ERVH48-1: variants seen among roughly 807,000 people sequenced by gnomAD.
The protein encoded by ERVH48-1 is suppressyn.
Under a neutral mutation model 2.4 loss-of-function variants are expected in ERVH48-1, and 4 were observed. That is an observed-to-expected ratio of 1.68 (90% CI 0.83 to 3.84). The LOEUF is 3.84. Ranked by LOEUF, ERVH48-1 falls within the 30% of genes most tolerant of loss-of-function variation. The probability of loss-of-function intolerance (pLI) is 0.01; values close to 1 mark genes in which losing one functional copy is unlikely to be tolerated. For missense variants in ERVH48-1, 97 were observed against 43.4 expected (o/e 2.23, Z -3.47); for synonymous variants, 32 against 15.5 (o/e 2.06, Z -2.49).
At position 42,917,077 on chromosome 21, in the gene ERVH48-1, A is replaced by G. The variant is rs553897598; in HGVS notation, c.*1447T>C. On this transcript the variant is annotated 3_prime_UTR_variant, in exon 2 of 2. Transcript: ENST00000447535. Reference sequence around the variant, plus strand: ...TGGGCCTGAGGAGGAGGAGTTATTCATCCCGCAAGCTTTCAGGCCCCGAGG... The same window carrying G: ...TGGGCCTGAGGAGGAGGAGTTATTCGTCCCGCAAGCTTTCAGGCCCCGAGG... 1 of 152,108 alleles carries G rather than the reference A, an allele frequency of 6.6e-6. No individual in the cohort carries two copies. The highest frequency in any genetic ancestry group is 6.5e-5 in the Admixed American group (1 of 15,276). 9.4% of individuals were successfully genotyped at this position (152,108 alleles called of 1,614,324 possible).
At position 42,918,990 on chromosome 21, in the gene ERVH48-1, G is replaced by T. The variant is rs1345576651; in HGVS notation, c.17C>A (p.Pro6Gln). 2 of 1,075,944 alleles carry T rather than the reference G, an allele frequency of 1.9e-6. No individual in the cohort carries two copies. Among genetic ancestry groups the T allele is most frequent in the Non-Finnish European group, 2.5e-6 (2 of 795,150 alleles). 66.6% of individuals were successfully genotyped at this position (1,075,944 alleles called of 1,614,324 possible). MACIY[P>Q]TTFYTSLPTK... ...TGGAAGAGAGGTATAGAAAGTGGTT[G>T]GGTAGATACAGGCCATTCCTGGAAG... The change falls in exon 2 of 2, where the codon CCA becomes CAA. Residue 6 changes from proline to glutamine, a missense_variant. Transcript: ENST00000447535.
Position 42,919,213 on chromosome 21 carries a change from A to C in ERVH48-1, c.-207T>G. 2.2e-6 allele frequency: 1 copy of C among 445,306 alleles called. No homozygotes were observed. 27.6% of individuals were successfully genotyped at this position (445,306 alleles called of 1,614,324 possible). A position where few individuals can be genotyped will look rare whatever the true frequency, so the allele number is the denominator to read the frequency against. On this transcript the variant is annotated 5_prime_UTR_variant, in exon 2 of 2. Transcript: ENST00000447535. ...GACTCTCACTGCAGTTGGTGTGCTG[A>C]GTATCACAGTGTAGGGGCCTGTCCA...
At chr21:42,920,364 A>G (rs1270227389) in intron 1 of ERVH48-1, among the ~76,000 whole-genome samples, 1 of 152,130 alleles carries the variant, frequency 6.6e-6, no homozygotes, top group African/African-American at 2.4e-5. Flanking sequence ...TTTCTGGCCA[A>G]TATAGGATTG....
At position 42,918,249 on chromosome 21, in the gene ERVH48-1, G is replaced by A. The variant is rs879563581; in HGVS notation, c.*275C>T. 5.0e-5 allele frequency: 15 copies of A among 298,454 alleles called. No individual in the cohort carries two copies. The highest frequency in any genetic ancestry group is 1.1e-3 in the Middle Eastern group (1 of 870). The allele number at this position is 298,454 out of a possible 1,614,324, so 18.5% of individuals were successfully genotyped here. A position where few individuals can be genotyped will look rare whatever the true frequency, so the allele number is the denominator to read the frequency against. On this transcript the variant is annotated 3_prime_UTR_variant, in exon 2 of 2. Coordinates refer to ENST00000447535, the MANE Select transcript of ERVH48-1 (RefSeq NM_001308491.2). ...GGTGACGGGTTTTCACCTACGGCGC[G>A]ATGGGTTTTATCAGTCCACTTGCGG...
chr21:42,919,103 A>T lies in ERVH48-1; in HGVS notation c.-97T>A, dbSNP rs561660346. 1 of 1,196,486 alleles carries T rather than the reference A, an allele frequency of 8.4e-7. No homozygotes were observed. Among genetic ancestry groups the T allele is most frequent in the East Asian group, 5.8e-5 (1 of 17,204 alleles). 74.1% of individuals were successfully genotyped at this position (1,196,486 alleles called of 1,614,324 possible). A position where few individuals can be genotyped will look rare whatever the true frequency, so the allele number is the denominator to read the frequency against. Reference sequence around the variant, plus strand: ...GTAGGAGAAATTGGCCCAGACAAACACTTAGCTGTTAATGTTTTGGAGGAA... The same window carrying T: ...GTAGGAGAAATTGGCCCAGACAAACTCTTAGCTGTTAATGTTTTGGAGGAA... On this transcript the variant is annotated 5_prime_UTR_variant, in exon 2 of 2. Transcript: ENST00000447535.
At chr21:42,925,166 G>A (rs1010037106) in intron 1 of ERVH48-1, among the ~76,000 whole-genome samples, 180 bp downstream of exon 1, 3 of 152,090 alleles carry the variant, frequency 2.0e-5, no homozygotes, top group Non-Finnish European at 4.4e-5. Context: ...GGCTGGTCTC[G>A]AACTCCTGAT....
In ERVH48-1 at chr21:42,919,205, G is replaced by C; in HGVS notation, c.-199C>G. 1 of 477,514 alleles carries C rather than the reference G, an allele frequency of 2.1e-6. No homozygotes were observed. The highest frequency in any genetic ancestry group is 3.4e-6 in the Non-Finnish European group (1 of 295,394). The allele number at this position is 477,514 out of a possible 1,614,324, so 29.6% of individuals were successfully genotyped here. On this transcript the variant is annotated 5_prime_UTR_variant, in exon 2 of 2. Transcript: ENST00000447535. ...AGTCCTCGGACTCTCACTGCAGTTGGTGTGCTGAGTATCACAGTGTAGGGG... is the reference window on the plus strand; with the variant it reads ...AGTCCTCGGACTCTCACTGCAGTTGCTGTGCTGAGTATCACAGTGTAGGGG...
intron 1 of ERVH48-1, among the ~76,000 whole-genome samples, chr21:42,923,499 A>T (rs2058812889): frequency 6.6e-6 from 1 of 152,118 alleles, no homozygotes; most frequent in South Asian, 2.1e-4. Context: ...GGCTGGGTCT[A>T]GGTTGGTATA....
At position 42,925,472 on chromosome 21, in the gene ERVH48-1, G is replaced by T. The variant is rs2058818115; in HGVS notation, c.-412C>A. The T allele has an allele frequency of 2.5e-6, 1 of 395,970 alleles. No homozygotes were observed. Among genetic ancestry groups the T allele is most frequent in the South Asian group, 2.4e-5 (1 of 41,486 alleles). 24.5% of individuals were successfully genotyped at this position (395,970 alleles called of 1,614,324 possible). A position where few individuals can be genotyped will look rare whatever the true frequency, so the allele number is the denominator to read the frequency against. The stretch of plus-strand genomic sequence containing the variant: ...GGGTGGTAGGTCCACTGGGGACGTG[G>T]ACGGAAGCCCCTCGCAGGTTTCAGG... On this transcript the variant is annotated 5_prime_UTR_variant, in exon 1 of 2. Coordinates refer to ENST00000447535, the MANE Select transcript of ERVH48-1 (RefSeq NM_001308491.2).
At position 42,918,233 on chromosome 21, in the gene ERVH48-1, T is replaced by C. The variant is rs1178849502; in HGVS notation, c.*291A>G. On this transcript the variant is annotated 3_prime_UTR_variant, in exon 2 of 2. Transcript: ENST00000447535. Reference sequence around the variant, plus strand: ...TTGACTGTTAGGGTTTGGTGACGGGTTTTCACCTACGGCGCGATGGGTTTT... The same window carrying C: ...TTGACTGTTAGGGTTTGGTGACGGGCTTTCACCTACGGCGCGATGGGTTTT... The C allele has an allele frequency of 2.1e-5, 6 of 290,546 alleles. No homozygotes were observed. Among genetic ancestry groups the C allele is most frequent in the Non-Finnish European group, 4.0e-5 (6 of 149,446 alleles). The allele number at this position is 290,546 out of a possible 1,614,324, so 18.0% of individuals were successfully genotyped here.
At chr21:42,923,910 A>C (rs1423191147) in intron 1 of ERVH48-1, among the ~76,000 whole-genome samples, 1 of 152,188 alleles carries the variant, frequency 6.6e-6, no homozygotes, top group Admixed American at 6.5e-5. Context: ...GGTATTCTGG[A>C]AATAAACCGA....
rs540537545 is a variant in ERVH48-1 at position 42,921,404 on chromosome 21, C to T, written c.-285-2113G>A. 2.3e-4 allele frequency among the ~76,000 whole-genome samples: 35 copies of T among 152,094 alleles called. No homozygotes were observed. In the South Asian group the frequency reaches 6.7e-3, roughly 29 times the overall value. On this transcript the variant is annotated intron_variant, in intron 1 of 1. Coordinates refer to ENST00000447535, the MANE Select transcript of ERVH48-1 (RefSeq NM_001308491.2). The stretch of plus-strand genomic sequence containing the variant: ...GCTAGTCCTAGAAAAGAGAGAATTT[C>T]TTGCTTAGTTTGCGGAGGCGGGAGG...
At position 42,918,897 on chromosome 21, in the gene ERVH48-1, G is replaced by A. The variant is rs578190028; in HGVS notation, c.110C>T (p.Ser37Phe). The change falls in exon 2 of 2, where the codon TCC becomes TTC. Residue 37 changes from serine (S) to phenylalanine (F), a missense_variant. Ser to Phe is a radical substitution (Grantham distance 155). Coordinates refer to ENST00000447535, the MANE Select transcript of ERVH48-1 (RefSeq NM_001308491.2). ...ACGGCAGCTCGGAGGGGCTGCTGTGGACAGCAGGACAGCTACTGACAGTAT... is the reference window on the plus strand; with the variant it reads ...ACGGCAGCTCGGAGGGGCTGCTGTGAACAGCAGGACAGCTACTGACAGTAT... Reference protein sequence around the residue: ...ILILSVAVLLSTAAPPSCREC... With the variant: ...ILILSVAVLLFTAAPPSCREC... 5.3e-5 allele frequency: 26 copies of A among 486,514 alleles called. No individual in the cohort carries two copies. Among genetic ancestry groups the A allele is most frequent in the African/African-American group, 5.1e-4 (26 of 50,764 alleles). 30.1% of individuals were successfully genotyped at this position (486,514 alleles called of 1,614,324 possible).
At chr21:42,925,134 C>T (rs543516423) in intron 1 of ERVH48-1, among the ~76,000 whole-genome samples, 16 of 152,204 alleles carry the variant, frequency 1.1e-4, no homozygotes, top group Admixed American at 2.0e-4. Context: ...TTAGTAGAGA[C>T]GGAGTTTCAC....
chr21:42,921,235 G>C (rs1207535855), intron 1 of ERVH48-1, among the ~76,000 whole-genome samples: 2 of 152,136 alleles, frequency 1.3e-5, no homozygotes, highest in African/African-American at 4.8e-5. Context: ...GATGGGGACT[G>C]GGGTGACAGA....
chr21:42,923,050 G>C (rs1326079753), intron 1 of ERVH48-1, among the ~76,000 whole-genome samples: 2 of 152,254 alleles, frequency 1.3e-5, no homozygotes, highest in Admixed American at 1.3e-4. Context: ...ATGAGATCGA[G>C]TAGGTTTTGG....
Sources: gnomAD v4.1 joint callset for allele counts (sites outside exome capture counted in the v4.1 genomes callset) on GRCh38, gnomAD v4.1.1 for gene constraint, MANE v1.5 for transcripts, NCBI Gene and HGNC (gene_info 2026-07-23, HGNC 2026-07-21) for gene names.